The following UBE2D2 variants were observed in gnomAD, a reference collection of about 807,000 sequenced individuals.
The protein encoded by UBE2D2 is ubiquitin conjugating enzyme E2 D2.
UBE2D2 carries 2 observed loss-of-function variants against 24.2 expected under a neutral mutation model. The observed-to-expected ratio is 0.08, with a 90% confidence interval of 0.03 to 0.26. The LOEUF (loss-of-function observed/expected upper bound fraction) is 0.26. Among genes scored for constraint, UBE2D2 ranks in the 10% least tolerant of loss-of-function variants. The pLI is 1.00. For synonymous variants in UBE2D2, 58 were observed against 56.5 expected, an observed-to-expected ratio of 1.03 and a Z score of -0.12; for missense variants, 44 against 177.6, an observed-to-expected ratio of 0.25 and a Z score of 4.28.
intron 1 of UBE2D2, among the ~76,000 whole-genome samples, chr5:139,543,136 T>C (rs113024289): frequency 0.083 from 12,565 of 151,832 alleles, 647 homozygotes; most frequent in African/African-American, 0.12. Flanking sequence ...ACCTCGTGAT[T>C]CGTCTGCCTC....
At chr5:139,555,653 G>A (rs950635046) in intron 1 of UBE2D2, among the ~76,000 whole-genome samples, 1 of 152,072 alleles carries the variant, frequency 6.6e-6, no homozygotes, top group African/African-American at 2.4e-5. Context: ...ACGGCCAGAT[G>A]TGCTGGCTCA....
intron 1 of UBE2D2, among the ~76,000 whole-genome samples, chr5:139,536,199 C>T (rs1752680196): frequency 2.0e-5 from 3 of 151,494 alleles, no homozygotes; most frequent in Non-Finnish European, 2.9e-5. Flanking sequence ...TCCCAGGTTC[C>T]AGCAGTTCTC....
At position 139,590,782 on chromosome 5, in the gene UBE2D2, C is replaced by CTTTTTTTTTTTTTTTTTT. The variant is rs57962602; in HGVS notation, c.25-9577_25-9560dup. Among the ~76,000 whole-genome samples the CTTTTTTTTTTTTTTTTTT allele has an allele frequency of 4.4e-4, 17 of 38,420 alleles. 3 individuals carry two copies. Among genetic ancestry groups the CTTTTTTTTTTTTTTTTTT allele is most frequent in the Non-Finnish European group, 6.2e-4 (12 of 19,472 alleles). 25.2% of individuals were successfully genotyped at this position (38,420 alleles called of 152,430 possible). ...TTCATGGTGGGTATTTTCTCTTCTTCTTTTTTTTTTTTTTTTTTTTTTTTT... is the reference window on the plus strand; with the variant it reads ...TTCATGGTGGGTATTTTCTCTTCTTCTTTTTTTTTTTTTTTTTTTTTTTTTTTTTTTTTTTTTTTTTTT... On this transcript the variant is annotated intron_variant, in intron 1 of 6. Coordinates refer to ENST00000398733, the MANE Select transcript of UBE2D2 (RefSeq NM_003339.3).
chr5:139,588,255 T>TG (rs1554078748), intron 1 of UBE2D2, among the ~76,000 whole-genome samples: 97 of 151,740 alleles, frequency 6.4e-4, no homozygotes, highest in African/African-American at 1.4e-3. Context: ...AGCGTTTTTT[T>TG]TTTTGTTTTG....
At chr5:139,543,628 C>T (rs558101280) in intron 1 of UBE2D2, among the ~76,000 whole-genome samples, 79 of 152,222 alleles carry the variant, frequency 5.2e-4, no homozygotes, top group Non-Finnish European at 8.8e-4. Flanking sequence ...TTCTCACTAG[C>T]GACTCGGGCC....
At chr5:139,610,566 C>G (rs1304553438) in intron 2 of UBE2D2, among the ~76,000 whole-genome samples, 1 of 146,764 alleles carries the variant, frequency 6.8e-6, no homozygotes, top group African/African-American at 2.5e-5. Context: ...TTTTTTTTTG[C>G]TTGATATGAA....
chr5:139,537,874 G>A (rs1199930076), intron 1 of UBE2D2, among the ~76,000 whole-genome samples: 2 of 151,306 alleles, frequency 1.3e-5, no homozygotes, highest in Non-Finnish European at 2.9e-5. Context: ...TAAGGCAGGA[G>A]AATGATGTGA....
intron 1 of UBE2D2, among the ~76,000 whole-genome samples, chr5:139,551,269 A>C (rs1294733815): frequency 2.0e-5 from 3 of 152,176 alleles, no homozygotes; most frequent in African/African-American, 7.2e-5. Flanking sequence ...GAATTGCTTC[A>C]ACCCATGAGG....
At chr5:139,572,564 C>G (rs1753372375) in intron 1 of UBE2D2, among the ~76,000 whole-genome samples, 1 of 151,818 alleles carries the variant, frequency 6.6e-6, no homozygotes, top group Non-Finnish European at 1.5e-5. Context: ...CCAGTGCACT[C>G]CAGCTTGGGC....
chr5:139,548,053 C>G (rs1292262584), intron 1 of UBE2D2, among the ~76,000 whole-genome samples: 1 of 150,314 alleles, frequency 6.7e-6, no homozygotes, highest in African/African-American at 2.4e-5. Flanking sequence ...AATCCTAGCA[C>G]TTTAGGAGGC....
Position 139,531,190 on chromosome 5 carries a change from G to A in UBE2D2, c.-64+4578G>A, listed in dbSNP as rs563436099. Among the ~76,000 whole-genome samples the A allele has an allele frequency of 3.3e-5, 5 of 152,294 alleles. No individual in the cohort carries two copies. The South Asian group carries it at 6.2e-4, about 19-fold the overall frequency. On this transcript the variant is annotated intron_variant, in intron 1 of 6. Transcript: ENST00000511725. ...AAGTAAAATCAAAGACAGGCAGCCC[G>A]GCACCAGGCCTGAAAGCAGGCCTGG...
upstream of UBE2D2, among the ~76,000 whole-genome samples, chr5:139,559,463 T>C (rs2126643928): frequency 1.3e-5 from 2 of 152,144 alleles, no homozygotes; most frequent in Middle Eastern, 3.4e-3. Flanking sequence ...GTGGAGATTT[T>C]TGTACCCCTC....
At chr5:139,607,610 T>C (rs1230106223) in intron 2 of UBE2D2, among the ~76,000 whole-genome samples, 1 of 152,218 alleles carries the variant, frequency 6.6e-6, no homozygotes, top group Non-Finnish European at 1.5e-5. Flanking sequence ...ATTACATATG[T>C]TTAGTCCTGT....
intron 5 of UBE2D2, among the ~76,000 whole-genome samples, chr5:139,621,234 C>A (rs1754508640): frequency 6.6e-6 from 1 of 152,126 alleles, no homozygotes; most frequent in Non-Finnish European, 1.5e-5. Flanking sequence ...CAGAGTGAGA[C>A]CCTGTCTCTA....
intron 5 of UBE2D2, among the ~76,000 whole-genome samples, chr5:139,615,971 G>T (rs1401680403): frequency 2.0e-5 from 3 of 150,450 alleles, no homozygotes; most frequent in African/African-American, 7.3e-5. Flanking sequence ...TTGTAGCTGG[G>T]ATTACAGGCA....
At chr5:139,611,456 G>A (rs1292042197) in intron 2 of UBE2D2, among the ~76,000 whole-genome samples, 3 of 152,000 alleles carry the variant, frequency 2.0e-5, no homozygotes, top group Non-Finnish European at 4.4e-5. Flanking sequence ...CCAAAGTGCT[G>A]GGATTACAGG....
chr5:139,572,163 A>C (rs1485929580), intron 1 of UBE2D2, among the ~76,000 whole-genome samples: 1 of 152,218 alleles, frequency 6.6e-6, no homozygotes, highest in Non-Finnish European at 1.5e-5. Flanking sequence ...CATGATTTTC[A>C]TTCAGTTCCT....
At chr5:139,622,847 G>A (rs1289638257) in intron 5 of UBE2D2, among the ~76,000 whole-genome samples, 1 of 151,688 alleles carries the variant, frequency 6.6e-6, no homozygotes, top group Non-Finnish European at 1.5e-5. Context: ...CCTAGACCGC[G>A]CCGCGCCACT....
intron 1 of UBE2D2, among the ~76,000 whole-genome samples, chr5:139,549,759 C>T (rs552310575): frequency 1.1e-4 from 16 of 152,248 alleles, no homozygotes; most frequent in East Asian, 1.9e-4. Flanking sequence ...CGGGCAACTC[C>T]GCCCCGGCCC....
Sources: allele counts gnomAD v4.1 joint callset (sites outside exome capture counted in the v4.1 genomes callset), GRCh38; gene constraint gnomAD v4.1.1; transcripts MANE v1.5; gene names NCBI Gene and HGNC (gene_info 2026-07-23, HGNC 2026-07-21).